The following MUC4 variants were observed in gnomAD, a reference collection of about 807,000 sequenced individuals.
The protein encoded by MUC4 is mucin 4, cell surface associated.
A neutral mutation model predicts 257.9 loss-of-function variants in MUC4; 202 were observed. The observed-to-expected ratio is 0.78, with a 90% CI of 0.70 to 0.88. The LOEUF (loss-of-function observed/expected upper bound fraction) is 0.88, where lower values mean the gene tolerates loss of function less well. Among genes scored for constraint, MUC4 ranks in the 40% least tolerant of loss-of-function variants. MUC4 has a pLI of 0.00. For synonymous variants in MUC4, 2,351 were observed against 2,757.1 expected, an observed-to-expected ratio of 0.85 and a Z score of 4.62; for missense variants, 5,976 against 6,513.7, an observed-to-expected ratio of 0.92 and a Z score of 2.84.
intron 4 of MUC4, 49 bp downstream of exon 4, chr3:195,774,123 G>C: frequency 6.4e-7 from 1 of 1,550,456 alleles, no homozygotes. Context: ...GCAGGAGAGA[G>C]AAGTGGGCCC....
In MUC4 at chr3:195,769,060, G is replaced by T. The variant is rs771607510; in HGVS notation, c.13491C>A (p.Ala4497=). 1 of 1,614,048 alleles carries T rather than the reference G, an allele frequency of 6.2e-7. No homozygotes were observed. Among genetic ancestry groups the T allele is most frequent in the South Asian group, 1.1e-5 (1 of 91,074 alleles). The part of the protein sequence containing the change: ...YQSGGMQWDV[A]QRSGNPVLMG... ...TGAGCACCGGGTTGCCTGAGCGCTG[G>T]GCCACGTCCCACTGCATCCCACCGC... is the stretch of plus-strand genomic sequence containing the variant. The change falls in exon 7 of 25, where the codon GCC becomes GCA. Residue 4497 remains alanine (A), a synonymous_variant. Coordinates refer to ENST00000463781, the MANE Select transcript of MUC4 (RefSeq NM_018406.7).
intron 1 of MUC4, among the ~76,000 whole-genome samples, chr3:195,794,034 G>C (rs144101322): frequency 7.6e-4 from 116 of 151,776 alleles, no homozygotes; most frequent in African/African-American, 2.7e-3. Context: ...CTCGAGGCCA[G>C]GAGTTTGAGA....
At chr3:195,753,264 G>A (rs746638720) in intron 19 of MUC4, 34 bp from the exon 20 acceptor site, 43 of 1,602,010 alleles carry the variant, frequency 2.7e-5, no homozygotes, top group South Asian at 1.8e-4. Context: ...GCAGCAGCGC[G>A]CAGGGCAGCA....
chr3:195,780,625 G>A lies in MUC4; in HGVS notation c.10955C>T (p.Thr3652Ile). 6.7e-7 allele frequency: 1 copy of A among 1,501,696 alleles called. No individual in the cohort carries two copies. Among genetic ancestry groups the A allele is most frequent in the Admixed American group, 2.1e-5 (1 of 47,138 alleles). The allele number at this position is 1,501,696 out of a possible 1,614,324, so 93.0% of individuals were successfully genotyped here. A position where few individuals can be genotyped will look rare whatever the true frequency, so the allele number is the denominator to read the frequency against. ...STGDTTPLLV[T>I]DASSVSTGHA... ...ACCTGTGGATACTGAGGAAGCGTCG[G>A]TGACAAGAAGAGGGGTGGTGTCACC... The change falls in exon 2 of 25, where the codon ACC (threonine) becomes ATC (isoleucine). Residue 3652 changes from threonine to isoleucine, a missense_variant. Thr to Ile is a moderately conservative substitution (Grantham distance 89). This residue lies in a region of MUC4 where 59 missense variants were observed against 149.8 expected (regional missense o/e 0.39). Coordinates refer to ENST00000463781, the MANE Select transcript of MUC4 (RefSeq NM_018406.7).
In MUC4 at chr3:195,765,298, C is replaced by T; in HGVS notation, c.13770G>A (p.Arg4590=). ...SCPCSWQQGR[R]DLRFQPVSIG... ...TGCTGACGGGTTGGAATCGTAAGTC[C>T]CGTCGTCCCTGCTGCCAGGAACAAG... Residue 4590 remains arginine, a synonymous_variant, in exon 9 of 25, where the codon CGG becomes CGA. Coordinates refer to ENST00000463781, the MANE Select transcript of MUC4 (RefSeq NM_018406.7). 1 of 1,613,376 alleles carries T rather than the reference C, an allele frequency of 6.2e-7. No homozygotes were observed. The highest frequency in any genetic ancestry group is 8.5e-7 in the Non-Finnish European group (1 of 1,179,780).
chr3:195,757,061 A>G lies in MUC4; in HGVS notation c.15168+86T>C. On this transcript the variant is annotated intron_variant, in intron 18 of 24. Transcript: ENST00000463781. The surrounding 1 kb of genome is among the most constrained non-coding windows in gnomAD (Gnocchi z 4.8). ...CCCATCTCCCAACACAGACACACCCAGGACAGGCAGAATCACAGCATCCAT... is the reference window on the plus strand; with the variant it reads ...CCCATCTCCCAACACAGACACACCCGGGACAGGCAGAATCACAGCATCCAT... 2 of 1,399,752 alleles carry G rather than the reference A, an allele frequency of 1.4e-6. No individual in the cohort carries two copies. The highest frequency in any genetic ancestry group is 2.0e-6 in the Non-Finnish European group (2 of 1,012,326). The allele number at this position is 1,399,752 out of a possible 1,614,324, so 86.7% of individuals were successfully genotyped here. A position where few individuals can be genotyped will look rare whatever the true frequency, so the allele number is the denominator to read the frequency against.
chr3:195,760,231 A>G (rs965078303), intron 16 of MUC4, among the ~76,000 whole-genome samples: 6 of 152,218 alleles, frequency 3.9e-5, no homozygotes, highest in South Asian at 4.1e-4. Flanking sequence ...AGGGAAGGCA[A>G]ACATGAAGTG....
Position 195,759,216 on chromosome 3 carries a change from T to C in MUC4, c.14894A>G (p.Tyr4965Cys). Residue 4965 changes from tyrosine to cysteine, a missense_variant, in exon 17 of 25, where the codon TAC becomes TGC. Tyr to Cys is a radical substitution (Grantham distance 194, BLOSUM62 -2). Coordinates refer to ENST00000463781, the MANE Select transcript of MUC4 (RefSeq NM_018406.7). Reference sequence around the variant, plus strand: ...CTGAATCAGCGTGGTCTGCCCCTTGTAGGCTTCAATCACACGACCACCATT... The same window carrying C: ...CTGAATCAGCGTGGTCTGCCCCTTGCAGGCTTCAATCACACGACCACCATT... ...SINGGRVIEA[Y>C]KGQTTLIQYT... 6.2e-7 allele frequency: 1 copy of C among 1,614,052 alleles called. No individual in the cohort carries two copies. The highest frequency in any genetic ancestry group is 8.5e-7 in the Non-Finnish European group (1 of 1,179,966).
intron 1 of MUC4, among the ~76,000 whole-genome samples, chr3:195,792,371 T>C (rs554239767): frequency 1.4e-4 from 22 of 152,150 alleles, no homozygotes; most frequent in Middle Eastern, 6.8e-3. Context: ...CCAACAAACA[T>C]ATGAAAAAAG....
intron 11 of MUC4, 59 bp downstream of exon 11, chr3:195,763,986 G>T (rs1719835690): frequency 1.9e-6 from 3 of 1,562,072 alleles, no homozygotes; most frequent in Non-Finnish European, 2.6e-6. Context: ...CCACCTCCCG[G>T]AAGCCCAGAA....
At position 195,764,091 on chromosome 3, in the gene MUC4, C is replaced by T. The variant is rs1020228499; in HGVS notation, c.13998G>A (p.Gln4666=). The T allele has an allele frequency of 1.2e-6, 2 of 1,608,966 alleles. No homozygotes were observed. Among genetic ancestry groups the T allele is most frequent in the Non-Finnish European group, 1.7e-6 (2 of 1,178,282 alleles). The change falls in exon 11 of 25, where the codon CAG becomes CAA. Residue 4666 remains glutamine (Q), a synonymous_variant. Coordinates refer to ENST00000463781, the MANE Select transcript of MUC4 (RefSeq NM_018406.7). ...TAGCACAGCCCACGTGGGGCCGCCT[C>T]TGCTGGTACAGGGCACAGAGGTAGG... The part of the protein sequence containing the change: ...DKPYLCALYQ[Q]RRPHVGCATY...
At chr3:195,778,621 C>G (rs145039978) in intron 2 of MUC4, among the ~76,000 whole-genome samples, 166 bp from the exon 3 acceptor site, 1 of 152,326 alleles carries the variant, frequency 6.6e-6, no homozygotes, top group Non-Finnish European at 1.5e-5. Flanking sequence ...GATTGCGGCA[C>G]AAAGGAGGGT....
At chr3:195,796,529 G>A (rs973436214) in intron 1 of MUC4, among the ~76,000 whole-genome samples, 4 of 151,708 alleles carry the variant, frequency 2.6e-5, no homozygotes, top group Admixed American at 6.6e-5. Context: ...TGGCTAACAC[G>A]GTGAAAAAAA....
chr3:195,761,647 A>G (rs775008944), intron 14 of MUC4, 62 bp from the exon 15 acceptor site: 14 of 1,329,550 alleles, frequency 1.1e-5, no homozygotes, highest in Non-Finnish European at 1.5e-5. Flanking sequence ...CCTGGGGAGC[A>G]TCCGGCGGAC....
Position 195,747,108 on chromosome 3 carries a change from C to T in MUC4, c.*68G>A. On this transcript the variant is annotated 3_prime_UTR_variant, in exon 25 of 25. Coordinates refer to ENST00000463781, the MANE Select transcript of MUC4 (RefSeq NM_018406.7). ...CTTCCCTTTTCCAGTCTCCCAAAAG[C>T]AATGGCGCCTTAAATGTGCGGTAAG... 2 of 1,590,036 alleles carry T rather than the reference C, an allele frequency of 1.3e-6. No individual in the cohort carries two copies. Among genetic ancestry groups the T allele is most frequent in the Non-Finnish European group, 1.7e-6 (2 of 1,160,680 alleles).
chr3:195,774,387 T>C (rs2259331), intron 3 of MUC4, 82 bp from the exon 4 acceptor site: 934,190 of 1,445,446 alleles, frequency 0.65, 304,384 homozygotes, highest in African/African-American at 0.83. Flanking sequence ...GAGCGCTCCC[T>C]GCAGGCTGCC....
At position 195,790,203 on chromosome 3, in the gene MUC4, T is replaced by G. The variant is rs769723459; in HGVS notation, c.1377A>C (p.Ala459=). 6.2e-6 allele frequency: 10 copies of G among 1,613,926 alleles called. No homozygotes were observed. Among genetic ancestry groups the G allele is most frequent in the Non-Finnish European group, 1.7e-6 (2 of 1,179,892 alleles). Residue 459 remains alanine, a synonymous_variant, in exon 2 of 25, where the codon GCA becomes GCC. Transcript: ENST00000463781. ...TAFHTQQSEG[A]ETTGRPHERS... is the part of the protein sequence containing the mutation. ...TCTCATGAGGCCGTCCTGTGGTCTC[T>G]GCACCTTCACTCTGCTGGGTGTGGA...
intron 4 of MUC4, among the ~76,000 whole-genome samples, chr3:195,773,575 A>T (rs1723651357): frequency 7.3e-6 from 1 of 136,082 alleles, no homozygotes; most frequent in Non-Finnish European, 1.6e-5. Flanking sequence ...AGGTGTGGAC[A>T]CCCTCTCGCC....
intron 1 of MUC4, among the ~76,000 whole-genome samples, chr3:195,791,736 A>G (rs9864221): frequency 0.1 from 15,879 of 152,244 alleles, 1,272 homozygotes; most frequent in Admixed American, 0.23. Flanking sequence ...ACTTCAAACT[A>G]TACTACAAGG....
Sources: gnomAD v4.1 joint callset for allele counts (sites outside exome capture counted in the v4.1 genomes callset) on GRCh38, gnomAD v4.1.1 for gene constraint, gnomAD v4.1.1 regional missense constraint, Gnocchi (gnomAD v3.1) non-coding constraint, MANE v1.5 for transcripts, NCBI Gene and HGNC (gene_info 2026-07-23, HGNC 2026-07-21) for gene names.